DMTF1: variants seen among roughly 807,000 people sequenced by gnomAD.
The protein encoded by DMTF1 is cyclin D binding myb like transcription factor 1, also known as cyclin-D-binding Myb-like transcription factor 1.
In DMTF1, 39 loss-of-function variants were observed where a neutral mutation model predicts 91.1. That is an observed-to-expected ratio of 0.43 (90% CI 0.33 to 0.56). The LOEUF is 0.56. Among genes scored for constraint, DMTF1 ranks in the 20% least tolerant of loss-of-function variants. The pLI, the probability that DMTF1 is intolerant of heterozygous loss-of-function variation, is 0.05. For synonymous variants in DMTF1, 338 were observed against 309.5 expected (o/e 1.09, Z -0.97); for missense variants, 750 against 914.5 (o/e 0.82, Z 2.32).
chr7:87,167,706 G>C (rs1341755180), intron 4 of DMTF1, among the ~76,000 whole-genome samples: 4 of 152,172 alleles, frequency 2.6e-5, no homozygotes, highest in Admixed American at 2.6e-4. Flanking sequence ...ATTGCTTCCA[G>C]TTGTGGCATA....
At chr7:87,166,680 C>T in intron 4 of DMTF1, 75 bp downstream of exon 4, 2 of 1,434,712 alleles carry the variant, frequency 1.4e-6, no homozygotes. Flanking sequence ...TTTCAGTTGG[C>T]ATTTCTAATA....
intron 6 of DMTF1, 45 bp from the exon 7 acceptor site, chr7:87,174,548 T>G (rs1197150033): frequency 7.8e-7 from 1 of 1,288,854 alleles, no homozygotes; most frequent in Admixed American, 1.9e-5. Context: ...TTTATTTCTT[T>G]CAAGGAGTAA....
intron 10 of DMTF1, among the ~76,000 whole-genome samples, chr7:87,182,691 A>G (rs1480797998): frequency 1.3e-5 from 2 of 152,240 alleles, no homozygotes; most frequent in Non-Finnish European, 2.9e-5. Context: ...TAACTGTTGA[A>G]TTTACATTAG....
chr7:87,165,572 A>G (rs1793642295), intron 3 of DMTF1, among the ~76,000 whole-genome samples: 1 of 152,160 alleles, frequency 6.6e-6, no homozygotes, highest in Non-Finnish European at 1.5e-5. Flanking sequence ...CTCACTCTGT[A>G]TATAATTCAT....
At chr7:87,163,111 C>G (rs987980721) in intron 1 of DMTF1, 4 of 151,638 alleles carry the variant, frequency 2.6e-5, no homozygotes, top group East Asian at 1.9e-4. Flanking sequence ...TAAAGGAAAA[C>G]TATAGTTACT....
At chr7:87,184,944 C>T (rs1370893889) in intron 11 of DMTF1, 1 of 487,664 alleles carries the variant, frequency 2.1e-6, no homozygotes, top group Non-Finnish European at 4.0e-6. Flanking sequence ...ACCAATGTGC[C>T]TCAGTCCTAG....
intron 16 of DMTF1, 39 bp from the exon 17 acceptor site, chr7:87,194,645 A>C (rs776717739): frequency 1.0e-5 from 15 of 1,488,148 alleles, no homozygotes; most frequent in Non-Finnish European, 1.3e-5. Context: ...GAAGACTAGT[A>C]AGAATATGAG....
intron 1 of DMTF1, among the ~76,000 whole-genome samples, chr7:87,158,215 A>G (rs1381839505): frequency 6.6e-6 from 1 of 152,008 alleles, no homozygotes; most frequent in Non-Finnish European, 1.5e-5. Context: ...TTGTATCCCA[A>G]CCTGTTCTGT....
chr7:87,192,656 A>G (rs945993112), intron 14 of DMTF1: 1 of 152,228 alleles, frequency 6.6e-6, no homozygotes, highest in Admixed American at 6.6e-5. Context: ...TTATTGGTCA[A>G]TTTTATTATA....
At chr7:87,167,255 C>A (rs1036658413) in intron 4 of DMTF1, among the ~76,000 whole-genome samples, 3 of 152,102 alleles carry the variant, frequency 2.0e-5, no homozygotes, top group Admixed American at 1.3e-4. Flanking sequence ...TAATGTGTTT[C>A]TATTTCAAGA....
chr7:87,176,825 A>G (rs1796362183), intron 7 of DMTF1, among the ~76,000 whole-genome samples: 1 of 152,128 alleles, frequency 6.6e-6, no homozygotes, highest in Admixed American at 6.5e-5. Flanking sequence ...ACTTCTGTAG[A>G]GCTAGTTTTA....
chr7:87,156,725 T>A lies in DMTF1; in HGVS notation c.-132+4170T>A, dbSNP rs1044307657. 2.0e-5 allele frequency among the ~76,000 whole-genome samples: 3 copies of A among 152,168 alleles called. No homozygotes were observed. In the South Asian group the frequency reaches 6.2e-4, roughly 32 times the overall value. ...CCTATTATCTTCCACTAAGATTTTC[T>A]ACTAAGCAGACTTTCATTATTTCAA... On this transcript the variant is annotated intron_variant, in intron 1 of 17. Transcript: ENST00000331242.
At chr7:87,167,775 T>A (rs1239763489) in intron 4 of DMTF1, among the ~76,000 whole-genome samples, 2 of 152,224 alleles carry the variant, frequency 1.3e-5, no homozygotes, top group Non-Finnish European at 2.9e-5. Flanking sequence ...TATGTTTTTT[T>A]AAAATCTTTC....
intron 13 of DMTF1, among the ~76,000 whole-genome samples, chr7:87,189,788 A>G (rs1223447692): frequency 2.0e-5 from 3 of 152,014 alleles, no homozygotes; most frequent in African/African-American, 7.2e-5. Context: ...CTTTTAAACA[A>G]CCCTTTGAAA....
intron 5 of DMTF1, among the ~76,000 whole-genome samples, chr7:87,172,947 C>G (rs1050535085): frequency 6.6e-6 from 1 of 152,168 alleles, no homozygotes; most frequent in Non-Finnish European, 1.5e-5. Context: ...TAATAAGGCT[C>G]TAGAGGTTGG....
At position 87,193,792 on chromosome 7, in the gene DMTF1, A is replaced by G. The variant is rs903234386; in HGVS notation, c.1718A>G (p.Gln573Arg). 6.2e-7 allele frequency: 1 copy of G among 1,612,994 alleles called. No homozygotes were observed. Among genetic ancestry groups the G allele is most frequent in the Non-Finnish European group, 8.5e-7 (1 of 1,179,250 alleles). The change falls in exon 16 of 18, where the codon CAG (glutamine) becomes CGG (arginine). Residue 573 changes from glutamine (Q) to arginine (R), a missense_variant. This residue lies in a region of DMTF1 where 410 missense variants were observed against 420.2 expected (regional missense o/e 0.98). Coordinates refer to ENST00000331242, the MANE Select transcript of DMTF1 (RefSeq NM_001142327.2). ...TGTCACACACCAAGAGTCATCATTC[A>G]GACTGTTGCCACAGAGGACATCACT... ...VQCHTPRVIIQTVATEDITSS... is the reference protein window; with the variant it reads ...VQCHTPRVIIRTVATEDITSS...
chr7:87,153,475 G>T (rs1789850832), intron 1 of DMTF1, among the ~76,000 whole-genome samples: 1 of 152,186 alleles, frequency 6.6e-6, no homozygotes, highest in Non-Finnish European at 1.5e-5. Flanking sequence ...GTGCCCTTTT[G>T]TGCAATTGAA....
intron 14 of DMTF1, 54 bp downstream of exon 14, chr7:87,191,081 G>A (rs1047085635): frequency 2.5e-5 from 30 of 1,177,112 alleles, no homozygotes; most frequent in Non-Finnish European, 3.7e-5. Context: ...AAGATCAGTT[G>A]CTATCACTTT....
chr7:87,156,230 T>C (rs1790681845), intron 1 of DMTF1, among the ~76,000 whole-genome samples: 1 of 152,202 alleles, frequency 6.6e-6, no homozygotes, highest in East Asian at 1.9e-4. Flanking sequence ...ATAAGCAATA[T>C]AGTTTTATTG....
Sources: allele counts gnomAD v4.1 joint callset (sites outside exome capture counted in the v4.1 genomes callset), GRCh38; gene constraint gnomAD v4.1.1; regional missense constraint gnomAD v4.1.1; transcripts MANE v1.5; gene names NCBI Gene and HGNC (gene_info 2026-07-23, HGNC 2026-07-21).